Variants in ST6GALNAC5 observed in about 807,000 individuals in gnomAD.
ST6GALNAC5 encodes alpha-N-acetylgalactosaminide alpha-2,6-sialyltransferase 5.
Under a neutral mutation model 33.6 loss-of-function variants are expected in ST6GALNAC5, and 27 were observed. The observed-to-expected ratio is 0.80, with a 90% CI of 0.59 to 1.11. The LOEUF (loss-of-function observed/expected upper bound fraction) is 1.11. Among genes scored for constraint, ST6GALNAC5 ranks in the 50% least tolerant of loss-of-function variants. ST6GALNAC5 has a pLI of 0.00. For synonymous variants in ST6GALNAC5, 194 were observed against 171.2 expected, an observed-to-expected ratio of 1.13 and a Z score of -1.04; for missense variants, 428 against 454.0, an observed-to-expected ratio of 0.94 and a Z score of 0.52.
intron 2 of ST6GALNAC5, among the ~76,000 whole-genome samples, chr1:76,965,217 C>CG (rs1032832964): frequency 1.3e-5 from 2 of 151,336 alleles, no homozygotes; most frequent in African/African-American, 4.9e-5. Context: ...AGTTTACCAC[C>CG]CCCCCCACCA....
chr1:76,879,945 C>T (rs183318370), intron 2 of ST6GALNAC5, among the ~76,000 whole-genome samples: 2 of 152,248 alleles, frequency 1.3e-5, no homozygotes, highest in Non-Finnish European at 2.9e-5. Flanking sequence ...GCCACTTGCA[C>T]GATAAGAACT....
At chr1:76,879,915 G>C (rs928406230) in intron 2 of ST6GALNAC5, among the ~76,000 whole-genome samples, 4 of 152,164 alleles carry the variant, frequency 2.6e-5, no homozygotes, top group Non-Finnish European at 5.9e-5. Flanking sequence ...GGCTGTGCAT[G>C]CACCTTTTGT....
chr1:77,035,403 C>T (rs1020275838), intron 2 of ST6GALNAC5, among the ~76,000 whole-genome samples: 6 of 152,026 alleles, frequency 3.9e-5, no homozygotes, highest in Non-Finnish European at 8.8e-5. Flanking sequence ...GGGTGTTGTA[C>T]AGAGAATAGA....
intron 2 of ST6GALNAC5, among the ~76,000 whole-genome samples, chr1:77,016,496 A>G (rs1650858414): frequency 1.3e-5 from 2 of 151,868 alleles, no homozygotes; most frequent in African/African-American, 4.8e-5. Flanking sequence ...AAAGTGCACA[A>G]TGGTCATTGC....
intron 2 of ST6GALNAC5, among the ~76,000 whole-genome samples, chr1:76,990,431 C>T (rs923970944): frequency 6.6e-6 from 1 of 152,128 alleles, no homozygotes; most frequent in African/African-American, 2.4e-5. Flanking sequence ...GAGGTCTTAT[C>T]CCCCAATCTG....
chr1:76,957,480 A>G (rs2100345328), intron 2 of ST6GALNAC5, among the ~76,000 whole-genome samples: 1 of 152,322 alleles, frequency 6.6e-6, no homozygotes, highest in Non-Finnish European at 1.5e-5. Context: ...AAATAATGTT[A>G]CATTCTGCAG....
chr1:76,963,361 T>C (rs1030735563), intron 2 of ST6GALNAC5, among the ~76,000 whole-genome samples: 3 of 152,196 alleles, frequency 2.0e-5, no homozygotes, highest in Non-Finnish European at 4.4e-5. Context: ...CAACCATTGC[T>C]ATTACAGCAG....
chr1:76,946,971 A>G (rs538887223), intron 2 of ST6GALNAC5, among the ~76,000 whole-genome samples: 2 of 119,988 alleles, frequency 1.7e-5, no homozygotes, highest in Admixed American at 8.2e-5. Context: ...AGCGAATGAA[A>G]CATACTTATT....
intron 2 of ST6GALNAC5, among the ~76,000 whole-genome samples, chr1:76,914,489 A>C (rs971096542): frequency 4.6e-5 from 7 of 152,216 alleles, no homozygotes; most frequent in African/African-American, 1.7e-4. Flanking sequence ...GTACCAAAAC[A>C]GAGATATAGA....
At chr1:77,019,379 G>C (rs1367476967) in intron 2 of ST6GALNAC5, among the ~76,000 whole-genome samples, 3 of 152,234 alleles carry the variant, frequency 2.0e-5, no homozygotes, top group South Asian at 2.1e-4. Context: ...TTCAGTGCCA[G>C]ATTTGTTTTC....
chr1:76,987,443 G>C (rs1255526538), intron 2 of ST6GALNAC5, among the ~76,000 whole-genome samples: 1 of 152,118 alleles, frequency 6.6e-6, no homozygotes, highest in South Asian at 2.1e-4. Context: ...AAAATAACAA[G>C]TGTTGGCAAG....
intron 2 of ST6GALNAC5, among the ~76,000 whole-genome samples, chr1:77,002,027 C>G (rs1348999886): frequency 6.6e-6 from 1 of 152,158 alleles, no homozygotes; most frequent in East Asian, 1.9e-4. Context: ...GAAGGATTCC[C>G]TCTTTTTCTA....
chr1:76,969,841 G>A (rs1373782954), intron 2 of ST6GALNAC5, among the ~76,000 whole-genome samples: 1 of 152,138 alleles, frequency 6.6e-6, no homozygotes, highest in Non-Finnish European at 1.5e-5. Flanking sequence ...GAAGGATTGG[G>A]CAGCAATATT....
In ST6GALNAC5 at chr1:76,890,879, A is replaced by G. The variant is rs540467674; in HGVS notation, c.261+22137A>G. On this transcript the variant is annotated intron_variant, in intron 2 of 4. Transcript: ENST00000477717. The stretch of plus-strand genomic sequence containing the variant: ...TTACACTACATTTATCGATTTGAGC[A>G]TAAGATATTCTCAAGTGAGAAAGTG... Among the ~76,000 whole-genome samples, 22 of 152,312 alleles carry G rather than the reference A, an allele frequency of 1.4e-4. No individual in the cohort carries two copies. In the South Asian group the frequency reaches 4.6e-3, roughly 32 times the overall value.
rs1432868753 is a variant in ST6GALNAC5 at position 77,044,557 on chromosome 1, T to G, written c.615T>G (p.Thr205=). 1.3e-6 allele frequency: 2 copies of G among 1,598,622 alleles called. No individual in the cohort carries two copies. The highest frequency in any genetic ancestry group is 3.4e-5 in the Admixed American group (2 of 59,106). ...VLPRLKAFMI[T]RHKMLQFDEL... ...CCCGGCTGAAGGCCTTCATGATTACTCGCCACAAGATGCTGCAGTTTGATG... is the reference window on the plus strand; with the variant it reads ...CCCGGCTGAAGGCCTTCATGATTACGCGCCACAAGATGCTGCAGTTTGATG... Residue 205 remains threonine (T), a synonymous_variant, in exon 3 of 5, where the codon ACT becomes ACG. Coordinates refer to ENST00000477717, the MANE Select transcript of ST6GALNAC5 (RefSeq NM_030965.3).
In ST6GALNAC5 at chr1:77,050,306, T is replaced by C; in HGVS notation, c.720T>C (p.Ile240=). 4 of 1,614,108 alleles carry C rather than the reference T, an allele frequency of 2.5e-6. No homozygotes were observed. Among genetic ancestry groups the C allele is most frequent in the Non-Finnish European group, 3.4e-6 (4 of 1,179,954 alleles). The change falls in exon 4 of 5, where the codon ATT becomes ATC. Residue 240 remains isoleucine, a synonymous_variant. Transcript: ENST00000477717. Reference sequence around the variant, plus strand: ...GCACTGGCTGGTTTACAATGACAATTGCACTGGAGCTCTGTGACAGGATCA... The same window carrying C: ...GCACTGGCTGGTTTACAATGACAATCGCACTGGAGCTCTGTGACAGGATCA... The part of the protein sequence containing the change: ...WLSTGWFTMT[I]ALELCDRINV...
intron 2 of ST6GALNAC5, among the ~76,000 whole-genome samples, chr1:76,918,749 G>A (rs974483649): frequency 6.6e-6 from 1 of 151,874 alleles, no homozygotes; most frequent in Non-Finnish European, 1.5e-5. Flanking sequence ...ACACTCCTTA[G>A]CTGGACAGCA....
At chr1:76,935,658 C>T (rs911204442) in intron 2 of ST6GALNAC5, among the ~76,000 whole-genome samples, 1 of 151,760 alleles carries the variant, frequency 6.6e-6, no homozygotes, top group Non-Finnish European at 1.5e-5. Context: ...GGGAAATTGC[C>T]CAGTTTTTGA....
chr1:77,055,444 C>T (rs931497460), intron 4 of ST6GALNAC5, among the ~76,000 whole-genome samples: 1 of 152,196 alleles, frequency 6.6e-6, no homozygotes, highest in East Asian at 1.9e-4. Context: ...CTGTGCTTAA[C>T]ATGAACACAT....
Sources: gnomAD v4.1 joint callset for allele counts (sites outside exome capture counted in the v4.1 genomes callset) on GRCh38, gnomAD v4.1.1 for gene constraint, MANE v1.5 for transcripts, NCBI Gene and HGNC (gene_info 2026-07-23, HGNC 2026-07-21) for gene names.